The following AHCTF1 variants were observed in gnomAD, a reference collection of about 807,000 sequenced individuals.
AHCTF1 encodes AT-hook containing transcription factor 1.
A neutral mutation model predicts 248.4 loss-of-function variants in AHCTF1; 24 were observed. The ratio of observed to expected loss-of-function variants is 0.10; its 90% CI spans 0.07 to 0.14. AHCTF1 has a LOEUF of 0.14. AHCTF1 is among the 10% of genes least tolerant of loss of function. AHCTF1 has a pLI of 1.00. For missense variants in AHCTF1, 2,206 were observed against 2,636.2 expected, an observed-to-expected ratio of 0.84 and a Z score of 3.57; for synonymous variants, 786 against 929.8, an observed-to-expected ratio of 0.85 and a Z score of 2.81.
At chr1:246,910,237 T>C (rs1467053614) in intron 4 of AHCTF1, among the ~76,000 whole-genome samples, 1 of 152,184 alleles carries the variant, frequency 6.6e-6, no homozygotes, top group Admixed American at 6.5e-5. Flanking sequence ...TCAATGGCAC[T>C]AAAAATAAAA....
At position 246,931,647 on chromosome 1, in the gene AHCTF1, T is replaced by G. The variant is rs1359467179; in HGVS notation, c.-77A>C. ...GGTCGCCAGGCCAGGCGCGAGCTCC[T>G]CCCGTGCGGGTCCGTCACAGCATCT... is the stretch of plus-strand genomic sequence containing the variant. On this transcript the variant is annotated 5_prime_UTR_variant, in exon 1 of 36. Coordinates refer to ENST00000648844, the MANE Select transcript of AHCTF1 (RefSeq NM_001323342.2). The G allele has an allele frequency of 2.0e-5, 3 of 152,328 alleles. No individual in the cohort carries two copies. The highest frequency in any genetic ancestry group is 4.9e-5 in the African/African-American group (2 of 40,876). The allele number at this position is 152,328 out of a possible 1,614,324, so 9.4% of individuals were successfully genotyped here.
chr1:246,849,267 G>A (rs1660519472), intron 33 of AHCTF1, among the ~76,000 whole-genome samples: 1 of 152,222 alleles, frequency 6.6e-6, no homozygotes, highest in Non-Finnish European at 1.5e-5. Context: ...TCACTGGGGT[G>A]TGAGCCAAAT....
At chr1:246,880,921 A>G (rs988912595) in intron 21 of AHCTF1, among the ~76,000 whole-genome samples, 4 of 152,234 alleles carry the variant, frequency 2.6e-5, no homozygotes, top group Admixed American at 6.5e-5. Context: ...TGTTGGCAGT[A>G]AAAGACATAG....
intron 29 of AHCTF1, 134 bp downstream of exon 29, chr1:246,860,765 C>G (rs1299755801): frequency 1.6e-6 from 2 of 1,222,998 alleles, no homozygotes; most frequent in Non-Finnish European, 2.3e-6. Context: ...CTCAGCCTCC[C>G]AAAGTGCTGA....
chr1:246,848,636 C>T (rs1167957945), intron 33 of AHCTF1, among the ~76,000 whole-genome samples: 2 of 151,654 alleles, frequency 1.3e-5, no homozygotes, highest in Admixed American at 6.6e-5. Context: ...GAGGCTGGGG[C>T]GGGTGGATCA....
intron 21 of AHCTF1, among the ~76,000 whole-genome samples, chr1:246,880,201 T>G (rs754813273): frequency 6.6e-6 from 1 of 151,404 alleles, no homozygotes; most frequent in Non-Finnish European, 1.5e-5. Flanking sequence ...AATAGCTTAT[T>G]ATCAAAAACA....
chr1:246,907,533 G>C lies in AHCTF1; in HGVS notation c.764+18C>G, dbSNP rs756034691. 1.9e-6 allele frequency: 3 copies of C among 1,605,156 alleles called. No individual in the cohort carries two copies. Among genetic ancestry groups the C allele is most frequent in the African/African-American group, 2.7e-5 (2 of 74,408 alleles). On this transcript the variant is annotated intron_variant, in intron 5 of 35. Transcript: ENST00000648844. ...AAAAACTACCTATAATCAAATAAGG[G>C]AAAAAAGTTATACTTACTCTCTTTT...
intron 20 of AHCTF1, among the ~76,000 whole-genome samples, chr1:246,885,948 A>T (rs1663791589): frequency 6.6e-6 from 1 of 152,238 alleles, no homozygotes; most frequent in African/African-American, 2.4e-5. Context: ...GCACTTTGGG[A>T]GGCCAAGACA....
intron 18 of AHCTF1, 79 bp downstream of exon 18, chr1:246,888,315 G>A: frequency 6.2e-7 from 1 of 1,611,948 alleles, no homozygotes; most frequent in South Asian, 1.1e-5. Flanking sequence ...CCAAGTTTGT[G>A]CCAGACACAC....
intron 1 of AHCTF1, among the ~76,000 whole-genome samples, chr1:246,929,841 C>T (rs1667205143): frequency 6.6e-6 from 1 of 152,228 alleles, no homozygotes; most frequent in Admixed American, 6.5e-5. Context: ...ATCACGAGGT[C>T]AGAAGTTCAA....
chr1:246,899,957 C>A, intron 10 of AHCTF1, 108 bp downstream of exon 10: 1 of 1,077,708 alleles, frequency 9.3e-7, no homozygotes. Context: ...TGTTAACTAA[C>A]AGTGAGATAC....
At position 246,839,527 on chromosome 1, in the gene AHCTF1, T is replaced by C. The variant is rs780850591; in HGVS notation, c.*1279A>G. On this transcript the variant is annotated 3_prime_UTR_variant, in exon 36 of 36. Coordinates refer to ENST00000648844, the MANE Select transcript of AHCTF1 (RefSeq NM_001323342.2). The stretch of plus-strand genomic sequence containing the variant: ...AACAAGGCAGCGTAACATCCATCAC[T>C]AACCTGACTAAAAGGCCGCACTCGC... 1 of 985,732 alleles carries C rather than the reference T, an allele frequency of 1.0e-6. No individual in the cohort carries two copies. Among genetic ancestry groups the C allele is most frequent in the Admixed American group, 6.1e-5 (1 of 16,262 alleles). The allele number at this position is 985,732 out of a possible 1,614,324, so 61.1% of individuals were successfully genotyped here.
At chr1:246,863,355 C>A (rs1661715436) in intron 27 of AHCTF1, among the ~76,000 whole-genome samples, 1 of 148,872 alleles carries the variant, frequency 6.7e-6, no homozygotes. Context: ...AGTCAAGGGG[C>A]TAGGGAGATA....
At chr1:246,859,630 C>T (rs892629157) in intron 29 of AHCTF1, among the ~76,000 whole-genome samples, 8 of 152,114 alleles carry the variant, frequency 5.3e-5, no homozygotes, top group South Asian at 2.1e-4. Flanking sequence ...AGTTCAGTGG[C>T]GCAATCACGG....
At position 246,918,251 on chromosome 1, in the gene AHCTF1, T is replaced by C. The variant is rs1367066599; in HGVS notation, c.120A>G (p.Ala40=). The C allele has an allele frequency of 6.2e-7, 1 of 1,606,174 alleles. No homozygotes were observed. Among genetic ancestry groups the C allele is most frequent in the South Asian group, 1.1e-5 (1 of 89,334 alleles). The change falls in exon 2 of 36, where the codon GCA becomes GCG. Residue 40 remains alanine, a splice_region_variant and synonymous_variant. Transcript: ENST00000648844. The part of the protein sequence containing the change: ...LESVLRGKFA[A]GKNGLACLAC... ...AATGTTCAGTGACATTATGTTTACCTGCAGCAAACTTTCCACGAAGCACAG... is the reference window on the plus strand; with the variant it reads ...AATGTTCAGTGACATTATGTTTACCCGCAGCAAACTTTCCACGAAGCACAG...
chr1:246,906,746 C>T (rs1041150980), intron 5 of AHCTF1, among the ~76,000 whole-genome samples: 1 of 152,124 alleles, frequency 6.6e-6, no homozygotes, highest in African/African-American at 2.4e-5. Context: ...ATCTATTTAA[C>T]GCTTAACACA....
Position 246,840,394 on chromosome 1 carries a change from T to C in AHCTF1, c.*412A>G, listed in dbSNP as rs1659773192. 1 of 152,786 alleles carries C rather than the reference T, an allele frequency of 6.5e-6. No homozygotes were observed. Among genetic ancestry groups the C allele is most frequent in the South Asian group, 2.1e-4 (1 of 4,832 alleles). The allele number at this position is 152,786 out of a possible 1,614,324, so 9.5% of individuals were successfully genotyped here. A position where few individuals can be genotyped will look rare whatever the true frequency, so the allele number is the denominator to read the frequency against. ...TCAAAGTGCATAAATTATAAAATAG[T>C]AACTGTAAAAAGAAATATCAATACT... On this transcript the variant is annotated 3_prime_UTR_variant, in exon 36 of 36. Coordinates refer to ENST00000648844, the MANE Select transcript of AHCTF1 (RefSeq NM_001323342.2).
intron 5 of AHCTF1, 24 bp downstream of exon 5, chr1:246,907,527 A>G: frequency 6.2e-7 from 1 of 1,601,176 alleles, no homozygotes; most frequent in Non-Finnish European, 8.5e-7. Context: ...CTATAATCAA[A>G]TAAGGGAAAA....
Position 246,931,637 on chromosome 1 carries a change from C to A in AHCTF1, c.-67G>T. On this transcript the variant is annotated 5_prime_UTR_variant, in exon 1 of 36. Coordinates refer to ENST00000648844, the MANE Select transcript of AHCTF1 (RefSeq NM_001323342.2). ...GAGTCCACCGGGTCGCCAGGCCAGGCGCGAGCTCCTCCCGTGCGGGTCCGT... is the reference window on the plus strand; with the variant it reads ...GAGTCCACCGGGTCGCCAGGCCAGGAGCGAGCTCCTCCCGTGCGGGTCCGT... 6.5e-6 allele frequency: 1 copy of A among 154,370 alleles called. No individual in the cohort carries two copies. The highest frequency in any genetic ancestry group is 1.9e-4 in the South Asian group (1 of 5,356). The allele number at this position is 154,370 out of a possible 1,614,324, so 9.6% of individuals were successfully genotyped here.
Sources: gnomAD v4.1 joint callset for allele counts (sites outside exome capture counted in the v4.1 genomes callset) on GRCh38, gnomAD v4.1.1 for gene constraint, MANE v1.5 for transcripts, NCBI Gene and HGNC (gene_info 2026-07-23, HGNC 2026-07-21) for gene names.